Variants in RPL6 observed in about 807,000 individuals in gnomAD.
RPL6 encodes the protein ribosomal protein L6, also known as large ribosomal subunit protein eL6.
RPL6 carries 1 observed loss-of-function variant against 32.1 expected under a neutral mutation model. The observed-to-expected ratio is 0.03, with a 90% CI of 0.01 to 0.15. The LOEUF (loss-of-function observed/expected upper bound fraction) is 0.15, where lower values mean the gene tolerates loss of function less well. RPL6 is among the 10% of genes least tolerant of loss of function. The pLI, the probability that RPL6 is intolerant of heterozygous loss-of-function variation, is 1.00. For synonymous variants in RPL6, 126 were observed against 131.6 expected (o/e 0.96, Z 0.29); for missense variants, 275 against 354.6 (o/e 0.78, Z 1.80).
upstream of RPL6, among the ~76,000 whole-genome samples, chr12:112,413,490 A>AT (rs1274643797): frequency 1.3e-5 from 2 of 152,208 alleles, no homozygotes; most frequent in Non-Finnish European, 2.9e-5. Flanking sequence ...GTGAGCCGAG[A>AT]TTGTGCCACT....
At chr12:112,413,999 GC>G (rs2037372401), upstream of RPL6, among the ~76,000 whole-genome samples, 1 of 152,218 alleles carries the variant, frequency 6.6e-6, no homozygotes, top group South Asian at 2.1e-4. Context: ...TGAAGAGGCA[GC>G]CCCAGGAGCA....
intron 1 of RPL6, 123 bp from the exon 2 acceptor site, chr12:112,408,779 T>A: frequency 1.2e-6 from 1 of 800,274 alleles, no homozygotes; most frequent in Non-Finnish European, 2.0e-6. Flanking sequence ...CCCGGTAAGA[T>A]ACAGGCCTTC....
rs977034754 is a variant in RPL6, at chr12:112,416,045, A to C, written c.-229+2683T>G. Among the ~76,000 whole-genome samples, 5 of 138,668 alleles carry C rather than the reference A, an allele frequency of 3.6e-5. No homozygotes were observed. The South Asian group carries it at 1.1e-3, about 32-fold the overall frequency. 91.0% of individuals were successfully genotyped at this position (138,668 alleles called of 152,430 possible). On this transcript the variant is annotated intron_variant, in intron 1 of 5. Coordinates refer to the RPL6 transcript ENST00000551291. ...GCAATCTTGGCTCACTGCAAGCACC[A>C]CTTCCTGGGTTCAAGCAATTCTCTT...
At chr12:112,410,316 T>A, upstream of RPL6, 1 of 293,992 alleles carries the variant, frequency 3.4e-6, no homozygotes, top group Non-Finnish European at 6.9e-6. Flanking sequence ...CCCTCTTCCC[T>A]TACCTTGGAT....
upstream of RPL6, chr12:112,411,540 C>T (rs1332159392): frequency 6.6e-6 from 1 of 152,126 alleles, no homozygotes; most frequent in Non-Finnish European, 1.5e-5. Flanking sequence ...AGCAAAGCAC[C>T]TCTTAGAAAC....
intron 1 of RPL6, 87 bp from the exon 2 acceptor site, chr12:112,408,743 T>G: frequency 2.5e-6 from 3 of 1,187,080 alleles, no homozygotes; most frequent in African/African-American, 3.0e-5. Context: ...ATGAATGGGC[T>G]GGGCTCCCCA....
At chr12:112,412,445 G>A (rs1420380305), upstream of RPL6, among the ~76,000 whole-genome samples, 1 of 151,810 alleles carries the variant, frequency 6.6e-6, no homozygotes, top group Non-Finnish European at 1.5e-5. Context: ...AAAGTGCTGG[G>A]ATTACAGGCG....
chr12:112,406,070 G>A (rs915405374), intron 5 of RPL6, 33 bp from the exon 6 acceptor site: 1 of 1,559,398 alleles, frequency 6.4e-7, no homozygotes, highest in East Asian at 2.2e-5. Context: ...GCAAGGAAAA[G>A]GGGGAAGAAT....
At chr12:112,405,746 C>G (rs2037142127) in intron 6 of RPL6, 107 bp downstream of exon 6, 1 of 910,916 alleles carries the variant, frequency 1.1e-6, no homozygotes, top group Non-Finnish European at 1.7e-6. Context: ...TCCCAGCATT[C>G]CTCATTATTT....
upstream of RPL6, among the ~76,000 whole-genome samples, chr12:112,412,776 T>C (rs1369138582): frequency 6.6e-6 from 1 of 151,988 alleles, no homozygotes; most frequent in Non-Finnish European, 1.5e-5. Flanking sequence ...ATACAAAAAT[T>C]AGCCAGGCAT....
intron 1 of RPL6, among the ~76,000 whole-genome samples, chr12:112,416,657 A>G (rs1486438512): frequency 2.7e-5 from 4 of 150,012 alleles, no homozygotes; most frequent in African/African-American, 7.4e-5. Flanking sequence ...CAGGTGATCC[A>G]CCTGCCTTGG....
upstream of RPL6, among the ~76,000 whole-genome samples, chr12:112,414,786 TC>T (rs2037383856): frequency 6.6e-6 from 1 of 151,932 alleles, no homozygotes; most frequent in Admixed American, 6.6e-5. Context: ...GTACCTGTAG[TC>T]CCAGCTACTT....
exon 1 of RPL6, chr12:112,418,731 G>A: frequency 2.8e-6 from 1 of 358,964 alleles, no homozygotes; most frequent in Non-Finnish European, 5.2e-6. Flanking sequence ...CTCACACCTG[G>A]CGGCCGCGGT....
upstream of RPL6, among the ~76,000 whole-genome samples, chr12:112,413,868 A>G (rs190574963): frequency 3.2e-3 from 484 of 152,210 alleles, 4 homozygotes; most frequent in African/African-American, 0.011. Context: ...TGTATTAAAA[A>G]AAAAAAAAAA....
At position 112,409,587 on chromosome 12, in the gene RPL6, C is replaced by T; in HGVS notation, c.-1G>A. 2.5e-6 allele frequency: 1 copy of T among 398,524 alleles called. No individual in the cohort carries two copies. The highest frequency in any genetic ancestry group is 4.4e-6 in the Non-Finnish European group (1 of 226,052). 24.7% of individuals were successfully genotyped at this position (398,524 alleles called of 1,614,324 possible). Reference sequence around the variant, plus strand: ...TTGCAGACAGGCCCGCGATTCTTACCTTGCAAGATGGGAAAGAGAATTAAG... The same window carrying T: ...TTGCAGACAGGCCCGCGATTCTTACTTTGCAAGATGGGAAAGAGAATTAAG... On this transcript the variant is annotated splice_region_variant and 5_prime_UTR_variant, in exon 1 of 7. Transcript: ENST00000202773.
rs766158465 is a variant in RPL6, at chr12:112,406,698, G to A, written c.480+49C>T. 3.1e-6 allele frequency: 5 copies of A among 1,605,050 alleles called. No homozygotes were observed. In the East Asian group the frequency reaches 8.9e-5, roughly 29 times the overall value. ...CTAGCGTGCAAACGCATTGCCACCAGGCACCCCAGGCAGCTGCAGTGAAGC... is the reference window on the plus strand; with the variant it reads ...CTAGCGTGCAAACGCATTGCCACCAAGCACCCCAGGCAGCTGCAGTGAAGC... On this transcript the variant is annotated intron_variant, in intron 4 of 6. Transcript: ENST00000202773.
intron 1 of RPL6, among the ~76,000 whole-genome samples, chr12:112,418,156 T>A (rs747106698): frequency 6.6e-5 from 10 of 152,058 alleles, no homozygotes; most frequent in Non-Finnish European, 1.3e-4. Flanking sequence ...ATTCTTGAAT[T>A]TTTAGTGGAG....
chr12:112,409,485 T>C (rs1404663360), intron 1 of RPL6, 102 bp downstream of exon 1: 4 of 398,580 alleles, frequency 1.0e-5, no homozygotes, highest in Non-Finnish European at 1.8e-5. Flanking sequence ...GCCTTGGACA[T>C]GTCCGACCCC....
rs965365150 is a variant in RPL6, at chr12:112,408,271, C to T, written c.305G>A (p.Gly102Asp). The T allele has an allele frequency of 3.7e-6, 6 of 1,614,104 alleles. No homozygotes were observed. Among genetic ancestry groups the T allele is most frequent in the Non-Finnish European group, 5.1e-6 (6 of 1,180,048 alleles). ...GCGAAGTTTAACCACCCGGGTACCG[C>T]CGTTCTTGTCACCACCAACTGGTTT... ...VTKPVGGDKN[G>D]GTRVVKLRKM... Residue 102 changes from glycine to aspartate, a missense_variant, in exon 3 of 7, where the codon GGC (glycine) becomes GAC (aspartate). By Grantham distance (94) the Gly-to-Asp change is moderately conservative (BLOSUM62 -1). Coordinates refer to ENST00000202773, the MANE Select transcript of RPL6 (RefSeq NM_000970.6).
Sources: allele counts gnomAD v4.1 joint callset (sites outside exome capture counted in the v4.1 genomes callset), GRCh38; gene constraint gnomAD v4.1.1; transcripts MANE v1.5; gene names NCBI Gene and HGNC (gene_info 2026-07-23, HGNC 2026-07-21).